The following SMCHD1 variants were observed in gnomAD, a reference collection of about 807,000 sequenced individuals.
SMCHD1 encodes structural maintenance of chromosomes flexible hinge domain containing 1.
A neutral mutation model predicts 254.7 loss-of-function variants in SMCHD1; 78 were observed. The ratio of observed to expected loss-of-function variants is 0.31; its 90% CI spans 0.26 to 0.37. The LOEUF is 0.37. Ranked by LOEUF, SMCHD1 falls within the 10% of genes least tolerant of loss-of-function variation. The probability of loss-of-function intolerance (pLI) is 1.00; values close to 1 mark genes in which losing one functional copy is unlikely to be tolerated. For missense variants in SMCHD1, 1,840 were observed against 2,408.1 expected (o/e 0.76, Z 4.94); for synonymous variants, 766 against 794.9 (o/e 0.96, Z 0.61).
At chr18:2,691,522 T>C (rs181168595) in intron 7 of SMCHD1, among the ~76,000 whole-genome samples, 33 of 152,336 alleles carry the variant, frequency 2.2e-4, no homozygotes, top group Non-Finnish European at 3.5e-4. Context: ...GATGTGTTAT[T>C]TGCTACTTAT....
At position 2,743,732 on chromosome 18, in the gene SMCHD1, G is replaced by GTC. The variant is rs779211485; in HGVS notation, c.3634-27_3634-26dup. ...TTCTGAACACTAAGTGATACCCCCT[G>GTC]TCTTTCTCAATGTACTTTTCCTCAC... On this transcript the variant is annotated intron_variant, in intron 28 of 47. Transcript: ENST00000320876. The GTC allele has an allele frequency of 1.2e-3, 1,893 of 1,549,970 alleles. 7 individuals are homozygous for GTC. Among genetic ancestry groups the GTC allele is most frequent in the Admixed American group, 2.3e-3 (122 of 54,054 alleles).
chr18:2,795,039 G>GTTT (rs201312816), intron 45 of SMCHD1, among the ~76,000 whole-genome samples: 42,775 of 148,238 alleles, frequency 0.29, 6,250 homozygotes, highest in East Asian at 0.49. Context: ...AAAATTCTGG[G>GTTT]TTTTTTTTTT....
At chr18:2,710,382 A>G (rs999601888) in intron 17 of SMCHD1, among the ~76,000 whole-genome samples, 11 of 152,160 alleles carry the variant, frequency 7.2e-5, no homozygotes, top group African/African-American at 2.7e-4. Context: ...GTCCATGGAG[A>G]TTCCCTATGA....
At chr18:2,740,916 A>G in intron 28 of SMCHD1, 95 bp downstream of exon 28, 1 of 693,516 alleles carries the variant, frequency 1.4e-6, no homozygotes, top group Non-Finnish European at 2.4e-6. Flanking sequence ...AAAAAGTTTG[A>G]TTTTAGTTTT....
intron 25 of SMCHD1, among the ~76,000 whole-genome samples, chr18:2,735,485 A>G (rs2075231503): frequency 6.6e-6 from 1 of 152,208 alleles, no homozygotes; most frequent in African/African-American, 2.4e-5. Context: ...AAAGAAGTCA[A>G]ACTGTCTCAT....
intron 15 of SMCHD1, 67 bp from the exon 16 acceptor site, chr18:2,707,496 G>C (rs1000614495): frequency 5.5e-6 from 5 of 901,618 alleles, no homozygotes; most frequent in African/African-American, 1.7e-5. Flanking sequence ...CTAATAACTC[G>C]TATCTTTTTA....
chr18:2,711,018 C>T (rs1303086880), intron 17 of SMCHD1, among the ~76,000 whole-genome samples: 1 of 151,892 alleles, frequency 6.6e-6, no homozygotes, highest in Non-Finnish European at 1.5e-5. Flanking sequence ...ACTCTGTCAC[C>T]CAGGCTGGAA....
chr18:2,683,446 A>G (rs540195393), intron 5 of SMCHD1, among the ~76,000 whole-genome samples: 1 of 152,230 alleles, frequency 6.6e-6, no homozygotes, highest in South Asian at 2.1e-4. Flanking sequence ...TTGTCTTTCT[A>G]TTGATTTCAA....
intron 37 of SMCHD1, among the ~76,000 whole-genome samples, chr18:2,764,939 T>G (rs760957708): frequency 6.6e-6 from 1 of 152,216 alleles, no homozygotes; most frequent in Non-Finnish European, 1.5e-5. Context: ...TTTTGGTAGT[T>G]ACTGCCAGTG....
intron 2 of SMCHD1, 144 bp from the exon 3 acceptor site, chr18:2,666,726 A>T (rs911997627): frequency 3.4e-6 from 2 of 581,810 alleles, no homozygotes; most frequent in Admixed American, 3.3e-5. Flanking sequence ...CCTTAACATG[A>T]CTTTGCTTAC....
intron 42 of SMCHD1, among the ~76,000 whole-genome samples, chr18:2,777,193 G>A (rs556818239): frequency 6.6e-6 from 1 of 152,114 alleles, no homozygotes. Flanking sequence ...GACATTTAGG[G>A]CTAACGTTTG....
At chr18:2,685,190 C>A (rs1476338930) in intron 5 of SMCHD1, among the ~76,000 whole-genome samples, 1 of 146,856 alleles carries the variant, frequency 6.8e-6, no homozygotes, top group Non-Finnish European at 1.5e-5. Flanking sequence ...AACTCTGCCT[C>A]CCGGGTTCAC....
chr18:2,768,594 TGAG>T (rs1236623729), intron 37 of SMCHD1, among the ~76,000 whole-genome samples: 1 of 121,168 alleles, frequency 8.3e-6, no homozygotes, highest in Non-Finnish European at 1.9e-5. Flanking sequence ...ACCCAATGAA[TGAG>T]TAGTATAGTA....
In SMCHD1 at chr18:2,718,081, G is replaced by A; in HGVS notation, c.2261-77G>A. The A allele has an allele frequency of 9.1e-7, 1 of 1,104,100 alleles. No individual in the cohort carries two copies. Among genetic ancestry groups the A allele is most frequent in the East Asian group, 2.5e-5 (1 of 40,328 alleles). 68.4% of individuals were successfully genotyped at this position (1,104,100 alleles called of 1,614,324 possible). A position where few individuals can be genotyped will look rare whatever the true frequency, so the allele number is the denominator to read the frequency against. On this transcript the variant is annotated intron_variant, in intron 17 of 47. Transcript: ENST00000320876. This position sits in a 1 kb window ranked among gnomAD's most constrained non-coding sequence, Gnocchi z 4.6. ...AAAATACAGCAAATAGGTATTTGGT[G>A]CCAATGTGACATTGCGTATTTCATG...
rs1325245790 is a variant in SMCHD1, at chr18:2,775,679, T to C, written c.5176-55T>C. ...CTAGGCTTGGGCTTTTAACATAATATCAAATTTTTATATATGGATTTTATA... is the reference window on the plus strand; with the variant it reads ...CTAGGCTTGGGCTTTTAACATAATACCAAATTTTTATATATGGATTTTATA... On this transcript the variant is annotated intron_variant, in intron 41 of 47. Transcript: ENST00000320876. The C allele has an allele frequency of 1.0e-5, 15 of 1,478,090 alleles. No individual in the cohort carries two copies. In the Admixed American group the frequency reaches 1.9e-4, roughly 19 times the overall value. 91.6% of individuals were successfully genotyped at this position (1,478,090 alleles called of 1,614,324 possible).
At chr18:2,793,360 G>A (rs2076200001) in intron 45 of SMCHD1, among the ~76,000 whole-genome samples, 1 of 152,106 alleles carries the variant, frequency 6.6e-6, no homozygotes, top group Admixed American at 6.5e-5. Context: ...ATTATTTTAT[G>A]TACGTAGAAA....
intron 1 of SMCHD1, among the ~76,000 whole-genome samples, chr18:2,657,482 A>T (rs1168864988): frequency 6.6e-6 from 1 of 152,220 alleles, no homozygotes; most frequent in Admixed American, 6.5e-5. Context: ...CAAAAGGGAA[A>T]CTTTTTACGT....
chr18:2,689,356 T>TA (rs1359976617), intron 7 of SMCHD1, among the ~76,000 whole-genome samples: 1 of 151,702 alleles, frequency 6.6e-6, no homozygotes, highest in Non-Finnish European at 1.5e-5. Context: ...TAGCTGGGAT[T>TA]ACAGGTGCCT....
At chr18:2,758,205 T>A (rs1315217665) in intron 34 of SMCHD1, among the ~76,000 whole-genome samples, 1 of 152,182 alleles carries the variant, frequency 6.6e-6, no homozygotes, top group Non-Finnish European at 1.5e-5. Flanking sequence ...TTCTGTATGA[T>A]CTAACTGTTT....
Sources: allele counts gnomAD v4.1 joint callset (sites outside exome capture counted in the v4.1 genomes callset), GRCh38; gene constraint gnomAD v4.1.1; non-coding constraint Gnocchi (gnomAD v3.1); transcripts MANE v1.5; gene names NCBI Gene and HGNC (gene_info 2026-07-23, HGNC 2026-07-21).